PSD3: variants seen among roughly 807,000 people sequenced by gnomAD.
PSD3 encodes PH and SEC7 domain-containing protein 3.
PSD3 carries 49 observed loss-of-function variants against 105.5 expected under a neutral mutation model. The ratio of observed to expected loss-of-function variants is 0.46; its 90% CI spans 0.37 to 0.59. The LOEUF (loss-of-function observed/expected upper bound fraction) is 0.59, where lower values mean the gene tolerates loss of function less well. PSD3 is among the 20% of genes least tolerant of loss of function. PSD3 has a pLI of 0.00. For missense variants in PSD3, 1,561 were observed against 1,263.8 expected (o/e 1.24, Z -3.57); for synonymous variants, 557 against 457.8 (o/e 1.22, Z -2.77).
chr8:18,935,872 T>C (rs1472247546), intron 2 of PSD3, among the ~76,000 whole-genome samples, 162 bp downstream of exon 2: 1 of 152,184 alleles, frequency 6.6e-6, no homozygotes, highest in Non-Finnish European at 1.5e-5. Context: ...TTACATGAAA[T>C]ATTTGCGGAT....
chr8:18,987,053 G>A (rs1825537092), intron 1 of PSD3, among the ~76,000 whole-genome samples: 1 of 152,120 alleles, frequency 6.6e-6, no homozygotes, highest in South Asian at 2.1e-4. Context: ...GGTTAATGGT[G>A]CCGTCACAGG....
Position 18,847,260 on chromosome 8 carries a change from A to G in PSD3, c.1634+20414T>C, listed in dbSNP as rs372962084. On this transcript the variant is annotated intron_variant, in intron 4 of 15. Transcript: ENST00000327040. ...ACTGTCCTGGTGCTTCCCTTCCTGG[A>G]AAAGGTGCAATTGGGGTTTCAAAGT... 7.7e-4 allele frequency among the ~76,000 whole-genome samples: 118 copies of G among 152,294 alleles called. 2 individuals carry two copies. The South Asian group carries it at 0.024, about 31-fold the overall frequency.
At chr8:18,646,808 G>C (rs997944950) in intron 10 of PSD3, among the ~76,000 whole-genome samples, 1 of 152,028 alleles carries the variant, frequency 6.6e-6, no homozygotes, top group Non-Finnish European at 1.5e-5. Context: ...TCAATGCTGA[G>C]TTAAGTAAAA....
chr8:18,828,047 G>GTATATATATATA (rs368464281), intron 4 of PSD3, among the ~76,000 whole-genome samples: 8 of 126,382 alleles, frequency 6.3e-5, no homozygotes, highest in African/African-American at 1.6e-4. Flanking sequence ...ATATATATAT[G>GTATATATATATA]TATATATATA....
At chr8:18,585,311 CAG>C in intron 12 of PSD3, among the ~76,000 whole-genome samples, 1 of 152,020 alleles carries the variant, frequency 6.6e-6, no homozygotes, top group Non-Finnish European at 1.5e-5. Context: ...TGAATAAAGC[CAG>C]TCACTTTATT....
chr8:18,826,563 G>A (rs544044796), intron 4 of PSD3, among the ~76,000 whole-genome samples: 2 of 152,228 alleles, frequency 1.3e-5, no homozygotes, highest in African/African-American at 4.8e-5. Context: ...TTTCCCTTGG[G>A]AATATAAATT....
chr8:18,819,795 T>G (rs1812538736), intron 4 of PSD3, among the ~76,000 whole-genome samples: 1 of 152,080 alleles, frequency 6.6e-6, no homozygotes, highest in South Asian at 2.1e-4. Flanking sequence ...GCCAGGATGA[T>G]CTTGATCTCC....
At chr8:18,773,554 A>G (rs937297004) in intron 8 of PSD3, among the ~76,000 whole-genome samples, 3 of 152,150 alleles carry the variant, frequency 2.0e-5, no homozygotes, top group Non-Finnish European at 2.9e-5. Context: ...GAATCTGTAG[A>G]TTACTTTGTA....
At chr8:18,777,546 CA>C (rs1808219415) in intron 8 of PSD3, among the ~76,000 whole-genome samples, 1 of 152,114 alleles carries the variant, frequency 6.6e-6, no homozygotes, top group African/African-American at 2.4e-5. Flanking sequence ...AACATTAACA[CA>C]TAATAACTAT....
At position 18,710,968 on chromosome 8, in the gene PSD3, C is replaced by T. The variant is rs180947029; in HGVS notation, c.2172+54481G>A. ...AAAGTTCTGGGATTACAGGCATGAG[C>T]CACTGCGCCTGGTCTCAACATTCTT... On this transcript the variant is annotated intron_variant, in intron 9 of 15. Transcript: ENST00000327040. Among the ~76,000 whole-genome samples the T allele has an allele frequency of 3.4e-4, 52 of 152,016 alleles. No homozygotes were observed. The East Asian group carries it at 0.01, about 29-fold the overall frequency.
intron 11 of PSD3, among the ~76,000 whole-genome samples, chr8:18,601,857 A>C (rs1022305778): frequency 6.6e-6 from 1 of 152,208 alleles, no homozygotes; most frequent in African/African-American, 2.4e-5. Context: ...ACCAGGGCTG[A>C]GAGGGCTGCT....
chr8:18,852,680 G>A (rs908406190), intron 4 of PSD3, among the ~76,000 whole-genome samples: 1 of 152,138 alleles, frequency 6.6e-6, no homozygotes, highest in Non-Finnish European at 1.5e-5. Flanking sequence ...GAGAACAGAG[G>A]TGCTACCCTG....
intron 9 of PSD3, among the ~76,000 whole-genome samples, chr8:18,738,531 C>T (rs1804322642): frequency 6.6e-6 from 1 of 152,046 alleles, no homozygotes; most frequent in South Asian, 2.1e-4. Flanking sequence ...CACACAGCAG[C>T]CATATTATAA....
At chr8:18,889,973 A>C (rs573989117) in intron 2 of PSD3, among the ~76,000 whole-genome samples, 9 of 152,238 alleles carry the variant, frequency 5.9e-5, no homozygotes, top group Non-Finnish European at 1.2e-4. Context: ...TTATTTCTAA[A>C]AAATTTCAAA....
At chr8:18,830,741 T>C (rs973551239) in intron 4 of PSD3, among the ~76,000 whole-genome samples, 2 of 152,134 alleles carry the variant, frequency 1.3e-5, no homozygotes, top group African/African-American at 4.8e-5. Flanking sequence ...TAGCTGTCCT[T>C]TGGCTGCACT....
At chr8:18,542,250 G>C (rs1375218440) in intron 15 of PSD3, among the ~76,000 whole-genome samples, 1 of 152,142 alleles carries the variant, frequency 6.6e-6, no homozygotes. Flanking sequence ...ACATTAAAAA[G>C]ATAAGGATTT....
At chr8:18,836,556 T>C (rs1310503479) in intron 4 of PSD3, among the ~76,000 whole-genome samples, 1 of 152,206 alleles carries the variant, frequency 6.6e-6, no homozygotes, top group African/African-American at 2.4e-5. Flanking sequence ...CAAGTTGTTT[T>C]CAGTGAATAT....
intron 13 of PSD3, among the ~76,000 whole-genome samples, chr8:18,573,348 T>C (rs1585275803): frequency 2.0e-5 from 3 of 152,126 alleles, no homozygotes; most frequent in South Asian, 4.1e-4. Context: ...TGCACACTTG[T>C]AGTCCCAGCT....
intron 4 of PSD3, among the ~76,000 whole-genome samples, chr8:18,814,800 G>A (rs145011987): frequency 2.6e-5 from 4 of 152,278 alleles, no homozygotes; most frequent in East Asian, 3.9e-4. Flanking sequence ...CATTTTTCTG[G>A]AGTCTTCTTA....
Sources: gnomAD v4.1 joint callset for allele counts (sites outside exome capture counted in the v4.1 genomes callset) on GRCh38, gnomAD v4.1.1 for gene constraint, MANE v1.5 for transcripts, NCBI Gene and HGNC (gene_info 2026-07-23, HGNC 2026-07-21) for gene names.